Variants in DOCK3 observed in about 807,000 individuals in gnomAD.
DOCK3 encodes the protein dedicator of cytokinesis protein 3.
In DOCK3, 60 loss-of-function variants were observed where a neutral mutation model predicts 265.6. The ratio of observed to expected loss-of-function variants is 0.23; its 90% confidence interval spans 0.18 to 0.28. The LOEUF (loss-of-function observed/expected upper bound fraction) is 0.28. Ranked by LOEUF, DOCK3 falls within the 10% of genes least tolerant of loss-of-function variation. The pLI is 1.00. For missense variants in DOCK3, 1,981 were observed against 2,594.3 expected (o/e 0.76, Z 5.14); for synonymous variants, 881 against 938.0 (o/e 0.94, Z 1.11).
intron 2 of DOCK3, among the ~76,000 whole-genome samples, chr3:50,824,162 C>T (rs1307195703): frequency 1.8e-4 from 27 of 152,144 alleles, no homozygotes; most frequent in Non-Finnish European, 5.9e-5. Context: ...TTGCTCTTTA[C>T]TCTACTAGGC....
intron 5 of DOCK3, among the ~76,000 whole-genome samples, chr3:51,013,656 G>T (rs543835151): frequency 1.3e-5 from 2 of 152,186 alleles, no homozygotes; most frequent in African/African-American, 2.4e-5. Context: ...CAGTCGGTCC[G>T]TTCTCAGAGC....
At chr3:50,688,138 ACT>A (rs1463653685) in intron 1 of DOCK3, among the ~76,000 whole-genome samples, 2 of 152,138 alleles carry the variant, frequency 1.3e-5, no homozygotes, top group Admixed American at 1.3e-4. Flanking sequence ...GGCAGGATCA[ACT>A]CTTCACCAAT....
chr3:51,373,262 C>T (rs2087826534), intron 49 of DOCK3, among the ~76,000 whole-genome samples: 1 of 152,182 alleles, frequency 6.6e-6, no homozygotes. Flanking sequence ...GTTCCAGAGA[C>T]ACAGAGCCTC....
At chr3:50,894,220 A>G (rs1667768992) in intron 4 of DOCK3, among the ~76,000 whole-genome samples, 1 of 152,128 alleles carries the variant, frequency 6.6e-6, no homozygotes, top group Non-Finnish European at 1.5e-5. Flanking sequence ...CAGCAAGATG[A>G]AAAGGACTTG....
At chr3:50,899,652 G>T (rs1049510464) in intron 4 of DOCK3, among the ~76,000 whole-genome samples, 1 of 152,170 alleles carries the variant, frequency 6.6e-6, no homozygotes, top group Non-Finnish European at 1.5e-5. Context: ...TCCTTCAGGA[G>T]CTCTTGTAAG....
At chr3:51,299,579 C>T in intron 27 of DOCK3, among the ~76,000 whole-genome samples, 1 of 152,014 alleles carries the variant, frequency 6.6e-6, no homozygotes, top group Non-Finnish European at 1.5e-5. Context: ...GATCCATCTT[C>T]AATTAATTTT....
chr3:50,802,917 T>A (rs1598926), intron 2 of DOCK3, among the ~76,000 whole-genome samples: 116,068 of 151,790 alleles, frequency 0.76, 45,369 homozygotes, highest in Middle Eastern at 0.88. Flanking sequence ...TCTGTAATAC[T>A]TTATTCACAT....
intron 2 of DOCK3, among the ~76,000 whole-genome samples, chr3:50,810,528 G>T (rs1203958654): frequency 3.3e-5 from 5 of 152,068 alleles, no homozygotes; most frequent in Non-Finnish European, 7.4e-5. Context: ...GGGCAACAGA[G>T]CGACACTCCG....
At chr3:50,878,914 A>G (rs1018163774) in intron 3 of DOCK3, among the ~76,000 whole-genome samples, 4 of 152,240 alleles carry the variant, frequency 2.6e-5, no homozygotes, top group African/African-American at 4.8e-5. Context: ...AGCCCATCAG[A>G]CTAACAGCAG....
At chr3:51,153,324 G>A (rs1418180505) in intron 10 of DOCK3, among the ~76,000 whole-genome samples, 3 of 152,216 alleles carry the variant, frequency 2.0e-5, no homozygotes, top group Non-Finnish European at 4.4e-5. Flanking sequence ...GGCACAGGAT[G>A]TAATCTCCTG....
chr3:51,218,654 C>A (rs1290260355), intron 14 of DOCK3, among the ~76,000 whole-genome samples: 1 of 152,022 alleles, frequency 6.6e-6, no homozygotes, highest in African/African-American at 2.4e-5. Flanking sequence ...ACTTGAATTT[C>A]TAAGGTTATC....
chr3:50,762,083 A>T (rs1203767991), intron 1 of DOCK3, among the ~76,000 whole-genome samples: 2 of 152,098 alleles, frequency 1.3e-5, no homozygotes, highest in African/African-American at 4.8e-5. Flanking sequence ...AGGAAGGGGA[A>T]CATCACACAC....
intron 10 of DOCK3, among the ~76,000 whole-genome samples, chr3:51,149,816 C>G (rs940652945): frequency 2.0e-5 from 3 of 152,132 alleles, no homozygotes; most frequent in Non-Finnish European, 4.4e-5. Context: ...GTTGTTGTGT[C>G]TCTGCCAGGC....
intron 2 of DOCK3, among the ~76,000 whole-genome samples, chr3:50,810,686 A>G (rs1018921755): frequency 1.3e-5 from 2 of 152,312 alleles, no homozygotes; most frequent in African/African-American, 2.4e-5. Flanking sequence ...ATATGGAAGA[A>G]TCTGAAAAAT....
chr3:50,695,618 CAA>C (rs1179257004), intron 1 of DOCK3, among the ~76,000 whole-genome samples: 1 of 152,156 alleles, frequency 6.6e-6, no homozygotes, highest in African/African-American at 2.4e-5. Context: ...CAAAGAGACT[CAA>C]AGAGCGCTAA....
chr3:51,240,207 G>C (rs2078545765), intron 21 of DOCK3, among the ~76,000 whole-genome samples: 1 of 152,168 alleles, frequency 6.6e-6, no homozygotes, highest in African/African-American at 2.4e-5. Context: ...TATTTACCCA[G>C]AAGTTATTCA....
At chr3:51,379,237 G>C (rs2088400560) in intron 51 of DOCK3, among the ~76,000 whole-genome samples, 1 of 152,176 alleles carries the variant, frequency 6.6e-6, no homozygotes, top group South Asian at 2.1e-4. Flanking sequence ...AACTCACTCT[G>C]TTGCCCTCCT....
intron 49 of DOCK3, among the ~76,000 whole-genome samples, chr3:51,362,878 C>T (rs1039156832): frequency 6.6e-6 from 1 of 152,236 alleles, no homozygotes; most frequent in South Asian, 2.1e-4. Context: ...TGAGCAGTGG[C>T]TGCCGCTGTG....
chr3:51,256,631 T>G (rs2108725717), intron 22 of DOCK3, among the ~76,000 whole-genome samples: 1 of 151,230 alleles, frequency 6.6e-6, no homozygotes, highest in East Asian at 2.0e-4. Context: ...CTCACTCTTG[T>G]TGTGCAGGCT....
Sources: gnomAD v4.1 joint callset for allele counts (sites outside exome capture counted in the v4.1 genomes callset) on GRCh38, gnomAD v4.1.1 for gene constraint, MANE v1.5 for transcripts, NCBI Gene and HGNC (gene_info 2026-07-23, HGNC 2026-07-21) for gene names.